The following KIF21B variants were observed in gnomAD, a reference collection of about 807,000 sequenced individuals.
KIF21B encodes kinesin-like protein KIF21B.
KIF21B carries 85 observed loss-of-function variants against 192.9 expected under a neutral mutation model. The observed-to-expected ratio is 0.44, with a 90% CI of 0.37 to 0.53. The LOEUF (loss-of-function observed/expected upper bound fraction) is 0.53, where lower values mean the gene tolerates loss of function less well. Ranked by LOEUF, KIF21B falls within the 20% of genes least tolerant of loss-of-function variation. The pLI, the probability that KIF21B is intolerant of heterozygous loss-of-function variation, is 0.00. For synonymous variants in KIF21B, 832 were observed against 884.6 expected (o/e 0.94, Z 1.05); for missense variants, 1,716 against 2,194.8 (o/e 0.78, Z 4.36).
Position 200,999,362 on chromosome 1 carries a change from G to T in KIF21B, c.1872C>A (p.Asp624Glu), listed in dbSNP as rs761504727. ...AGGCCCACGCACCCTTCTCCTCGGG[G>T]TCTGAGTCTGAGTCCACCAGGCTCT... ...SEESLVDSDS[D>E]PEEKEVNFQA... is the part of the protein sequence containing the mutation. Residue 624 changes from aspartate to glutamate, a missense_variant, in exon 13 of 35, where the codon GAC (aspartate) becomes GAA (glutamate). Physicochemically the swap from Asp to Glu is conservative, Grantham distance 45 (BLOSUM62 2). This residue lies in a region of KIF21B where 1,087 missense variants were observed against 1,316.6 expected (regional missense o/e 0.83). Coordinates refer to ENST00000461742, the MANE Select transcript of KIF21B (RefSeq NM_001252102.2). The surrounding 1 kb of genome is among the most constrained non-coding windows in gnomAD (Gnocchi z 4.7). The T allele has an allele frequency of 4.3e-6, 7 of 1,614,068 alleles. No individual in the cohort carries two copies. Among genetic ancestry groups the T allele is most frequent in the Non-Finnish European group, 5.1e-6 (6 of 1,179,996 alleles).
At chr1:200,997,638 G>A (rs2102428712) in intron 14 of KIF21B, among the ~76,000 whole-genome samples, 1 of 152,262 alleles carries the variant, frequency 6.6e-6, no homozygotes, top group Non-Finnish European at 1.5e-5. Context: ...AGCTACTCAG[G>A]AGGCTGAGGC....
Position 200,990,635 on chromosome 1 carries a change from T to C in KIF21B, c.2776A>G (p.Ile926Val). The C allele has an allele frequency of 1.9e-6, 3 of 1,614,162 alleles. No individual in the cohort carries two copies. Among genetic ancestry groups the C allele is most frequent in the Middle Eastern group, 1.6e-4 (1 of 6,062 alleles). Reference protein sequence around the residue: ...WQSLERRIIDIVMQRMTIVNL... With the variant: ...WQSLERRIIDVVMQRMTIVNL... ...ACAATGGTCATTCTCTGCATGACGA[T>C]GTCAATGATCCGTCGCTCCAGGGAC... The change falls in exon 19 of 35, where the codon ATC becomes GTC. Residue 926 changes from isoleucine (I) to valine (V), a missense_variant. This residue lies in a region of KIF21B where 1,087 missense variants were observed against 1,316.6 expected (regional missense o/e 0.83). Coordinates refer to ENST00000461742, the MANE Select transcript of KIF21B (RefSeq NM_001252102.2). This position sits in a 1 kb window ranked among gnomAD's most constrained non-coding sequence, Gnocchi z 5.4.
intron 15 of KIF21B, among the ~76,000 whole-genome samples, chr1:200,993,941 T>C (rs956921696): frequency 7.1e-6 from 1 of 140,756 alleles, no homozygotes. Context: ...CCAGAATGAG[T>C]GTTCTCCCAA....
intron 21 of KIF21B, 100 bp downstream of exon 21, chr1:200,989,842 G>T: frequency 1.1e-6 from 1 of 869,866 alleles, no homozygotes; most frequent in South Asian, 1.5e-5. Flanking sequence ...TGTGAGTGAC[G>T]CAGGTGAGGA....
rs763142183 is a variant in KIF21B, at chr1:201,000,703, GCTCA to G, written c.1466+10_1466+13del. 6 of 1,614,018 alleles carry G rather than the reference GCTCA, an allele frequency of 3.7e-6. No homozygotes were observed. Among genetic ancestry groups the G allele is most frequent in the South Asian group, 2.2e-5 (2 of 91,092 alleles). ...CCCCAGCCCGCGCACACCTGCCGGA[GCTCA>G]CTCACTCACCGTAGCTCCTCGATCT... On this transcript the variant is annotated intron_variant, in intron 10 of 34. Coordinates refer to ENST00000461742, the MANE Select transcript of KIF21B (RefSeq NM_001252102.2). This position sits in a 1 kb window ranked among gnomAD's most constrained non-coding sequence, Gnocchi z 6.0.
rs905477309 is a variant in KIF21B, at chr1:200,999,140, G to A, written c.1885+209C>T. On this transcript the variant is annotated intron_variant, in intron 13 of 34. Transcript: ENST00000461742. The surrounding 1 kb of genome is among the most constrained non-coding windows in gnomAD (Gnocchi z 4.7). Reference sequence around the variant, plus strand: ...GACTGAAAGAACCTAGCCGCTCAAAGGGTTAAGGTAAGCACAGTGCCTGGC... The same window carrying A: ...GACTGAAAGAACCTAGCCGCTCAAAAGGTTAAGGTAAGCACAGTGCCTGGC... Among the ~76,000 whole-genome samples the A allele has an allele frequency of 3.3e-5, 5 of 152,182 alleles. No individual in the cohort carries two copies. The highest frequency in any genetic ancestry group is 9.7e-5 in the African/African-American group (4 of 41,432).
intron 15 of KIF21B, among the ~76,000 whole-genome samples, chr1:200,993,426 T>C (rs1187795343): frequency 2.6e-5 from 4 of 152,140 alleles, no homozygotes; most frequent in African/African-American, 9.7e-5. Flanking sequence ...GTCATCAACC[T>C]GTCCTGCCCT....
In KIF21B at chr1:200,975,502, G is replaced by A. The variant is rs747378490; in HGVS notation, c.4611C>T (p.Ile1537=). The part of the protein sequence containing the change: ...KKWDLDQQEL[I]QQIPNAHKDW... ...CTCCCTTTCCTCCTGACCCCACCTG[G>A]ATGAGCTCCTGCTGGTCTAGGTCCC... The change falls in exon 33 of 35, where the codon ATC becomes ATT. Residue 1537 remains isoleucine, a synonymous_variant. Coordinates refer to ENST00000461742, the MANE Select transcript of KIF21B (RefSeq NM_001252102.2). This position sits in a 1 kb window ranked among gnomAD's most constrained non-coding sequence, Gnocchi z 4.3. The A allele has an allele frequency of 9.9e-5, 159 of 1,609,886 alleles. 1 individual carries two copies. Among genetic ancestry groups the A allele is most frequent in the Non-Finnish European group, 1.2e-4 (142 of 1,176,708 alleles).
intron 15 of KIF21B, 87 bp downstream of exon 15, chr1:200,996,109 G>A (rs1228458559): frequency 1.5e-6 from 2 of 1,302,892 alleles, no homozygotes; most frequent in Non-Finnish European, 2.2e-6. Context: ...ACACTTGACA[G>A]CAATGATTAT....
intron 8 of KIF21B, chr1:201,002,900 G>A (rs1018870412): frequency 6.4e-6 from 1 of 156,348 alleles, no homozygotes; most frequent in African/African-American, 2.4e-5. Flanking sequence ...ACAAGTGCAA[G>A]CCAAACCTAA....
chr1:200,976,884 A>G lies in KIF21B; in HGVS notation c.4335T>C (p.Pro1445=). 1 of 1,607,584 alleles carries G rather than the reference A, an allele frequency of 6.2e-7. No homozygotes were observed. Among genetic ancestry groups the G allele is most frequent in the South Asian group, 1.1e-5 (1 of 90,786 alleles). ...VRIWELSRFQ[P]VGKLTGHIGP... Reference sequence around the variant, plus strand: ...CGATGTGGCCAGTCAGCTTGCCGACAGGCTGGAACCTGCAGTGGGAAGAGG... The same window carrying G: ...CGATGTGGCCAGTCAGCTTGCCGACGGGCTGGAACCTGCAGTGGGAAGAGG... The change falls in exon 32 of 35, where the codon CCT becomes CCC. Residue 1445 remains proline, a synonymous_variant. Coordinates refer to ENST00000461742, the MANE Select transcript of KIF21B (RefSeq NM_001252102.2).
In KIF21B at chr1:200,973,356, AAC is replaced by A; in HGVS notation, c.*163_*164del. 3 of 778,062 alleles carry A rather than the reference AAC, an allele frequency of 3.9e-6. No homozygotes were observed. The highest frequency in any genetic ancestry group is 5.5e-6 in the Non-Finnish European group (3 of 547,600). The allele number at this position is 778,062 out of a possible 1,614,324, so 48.2% of individuals were successfully genotyped here. A position where few individuals can be genotyped will look rare whatever the true frequency, so the allele number is the denominator to read the frequency against. On this transcript the variant is annotated 3_prime_UTR_variant, in exon 35 of 35. Coordinates refer to ENST00000461742, the MANE Select transcript of KIF21B (RefSeq NM_001252102.2). ...CTGAGAGGCAGGGGAGGGATGAGGG[AAC>A]AGTGTCCTGTGGGAAGGCCAAGGGA...
At position 200,983,107 on chromosome 1, in the gene KIF21B, G is replaced by A. The variant is rs1258514625; in HGVS notation, c.3804-13C>T. The A allele has an allele frequency of 2.6e-6, 4 of 1,535,832 alleles. No individual in the cohort carries two copies. The highest frequency in any genetic ancestry group is 3.5e-6 in the Non-Finnish European group (4 of 1,146,634). On this transcript the variant is annotated splice_polypyrimidine_tract_variant and intron_variant, in intron 27 of 34. Transcript: ENST00000461742. ...GCTGTCATCAGACCTGGGGAGGGCA[G>A]AAAATTAGCTGGATTAGGGGGTGAG...
Position 200,996,365 on chromosome 1 carries a change from G to C in KIF21B, c.2108C>G (p.Ala703Gly). The change falls in exon 15 of 35, where the codon GCC (alanine) becomes GGC (glycine). Residue 703 changes from alanine to glycine, a missense_variant. By Grantham distance (60) the Ala-to-Gly change is moderately conservative. Around this residue, in one of 3 missense-constraint regions of KIF21B, gnomAD observed 1,087 missense variants for 1,316.6 expected, o/e 0.83. Coordinates refer to ENST00000461742, the MANE Select transcript of KIF21B (RefSeq NM_001252102.2). ...STMECYTEEK[A>G]NKIKADYEKR... is the part of the protein sequence containing the mutation. ...CTCATAGTCTGCCTTGATCTTGTTGGCCTTCTCCTCAGTATAGCACTCCAT... is the reference window on the plus strand; with the variant it reads ...CTCATAGTCTGCCTTGATCTTGTTGCCCTTCTCCTCAGTATAGCACTCCAT... The C allele has an allele frequency of 2.5e-6, 4 of 1,614,082 alleles. No homozygotes were observed. The highest frequency in any genetic ancestry group is 3.4e-6 in the Non-Finnish European group (4 of 1,180,032).
At position 200,972,203 on chromosome 1, in the gene KIF21B, C is replaced by T. The variant is rs953391233; in HGVS notation, c.*1318G>A. The T allele has an allele frequency of 1.3e-5, 2 of 152,314 alleles. No individual in the cohort carries two copies. Among genetic ancestry groups the T allele is most frequent in the African/African-American group, 4.8e-5 (2 of 41,440 alleles). The allele number at this position is 152,314 out of a possible 1,614,324, so 9.4% of individuals were successfully genotyped here. The stretch of plus-strand genomic sequence containing the variant: ...CGTCCCCAGCCCCGGGGCAGAGAAA[C>T]TCTGCCAACTCCCTCTTCCTTGATA... On this transcript the variant is annotated 3_prime_UTR_variant, in exon 35 of 35. Coordinates refer to ENST00000461742, the MANE Select transcript of KIF21B (RefSeq NM_001252102.2).
chr1:201,020,313 G>C (rs10753887), intron 1 of KIF21B, among the ~76,000 whole-genome samples: 84,430 of 151,938 alleles, frequency 0.56, 25,859 homozygotes, highest in African/African-American at 0.83. Flanking sequence ...CCCCTTTCTC[G>C]CCCCATTTGT....
In KIF21B at chr1:200,998,617, G is replaced by A; in HGVS notation, c.1886-42C>T. Reference sequence around the variant, plus strand: ...AGGCTCAGCCCAGCGTTAGGGCGAGGGGCAAATTGGGGAGCAGATGTGCCA... The same window carrying A: ...AGGCTCAGCCCAGCGTTAGGGCGAGAGGCAAATTGGGGAGCAGATGTGCCA... On this transcript the variant is annotated intron_variant, in intron 13 of 34. Transcript: ENST00000461742. This position sits in a 1 kb window ranked among gnomAD's most constrained non-coding sequence, Gnocchi z 4.3. 1 of 1,576,574 alleles carries A rather than the reference G, an allele frequency of 6.3e-7. No individual in the cohort carries two copies. The highest frequency in any genetic ancestry group is 8.7e-7 in the Non-Finnish European group (1 of 1,152,928).
rs752827586 is a variant in KIF21B, at chr1:201,000,570, A to C, written c.1505T>G (p.Leu502Arg). ...CGAGGCCCGTGAGAGGCTGCGGCGC[A>C]GGGACTCGTTCATGGCTTCACTCTC... ...LLESEAMNES[L>R]RRSLSRASAR... Residue 502 changes from leucine (L) to arginine (R), a missense_variant, in exon 11 of 35, where the codon CTG (leucine) becomes CGG (arginine). By Grantham distance (102) the Leu-to-Arg change is moderately radical. Around this residue, in one of 3 missense-constraint regions of KIF21B, gnomAD observed 1,087 missense variants for 1,316.6 expected, o/e 0.83. Coordinates refer to ENST00000461742, the MANE Select transcript of KIF21B (RefSeq NM_001252102.2). The surrounding 1 kb of genome is among the most constrained non-coding windows in gnomAD (Gnocchi z 6.0). The C allele has an allele frequency of 5.0e-6, 8 of 1,613,272 alleles. No homozygotes were observed. Among genetic ancestry groups the C allele is most frequent in the Non-Finnish European group, 6.8e-6 (8 of 1,179,866 alleles).
intron 6 of KIF21B, 114 bp downstream of exon 6, chr1:201,004,652 G>A: frequency 7.4e-7 from 1 of 1,356,052 alleles, no homozygotes; most frequent in South Asian, 1.2e-5. Context: ...AGAGTGAAGG[G>A]CTAATTGGCA....
Sources: gnomAD v4.1 joint callset for allele counts (sites outside exome capture counted in the v4.1 genomes callset) on GRCh38, gnomAD v4.1.1 for gene constraint, gnomAD v4.1.1 regional missense constraint, Gnocchi (gnomAD v3.1) non-coding constraint, MANE v1.5 for transcripts, NCBI Gene and HGNC (gene_info 2026-07-23, HGNC 2026-07-21) for gene names.